SP100: variants seen among roughly 807,000 people sequenced by gnomAD.
SP100 encodes the protein SP100 nuclear body protein, also known as nuclear autoantigen Sp-100.
In SP100, 84 loss-of-function variants were observed where a neutral mutation model predicts 130.0. The observed-to-expected ratio is 0.65, with a 90% CI of 0.54 to 0.77. The LOEUF is 0.77. Ranked by LOEUF, SP100 falls within the 30% of genes least tolerant of loss-of-function variation. The probability of loss-of-function intolerance (pLI) is 0.00; values close to 1 mark genes in which losing one functional copy is unlikely to be tolerated. For synonymous variants in SP100, 331 were observed against 351.7 expected (o/e 0.94, Z 0.66); for missense variants, 978 against 1,052.2 (o/e 0.93, Z 0.97).
intron 17 of SP100, among the ~76,000 whole-genome samples, chr2:230,485,472 A>G (rs1678210): frequency 2.1e-4 from 32 of 152,060 alleles, no homozygotes; most frequent in Non-Finnish European, 4.1e-4. Context: ...TTAAACAAAT[A>G]ATTTGGGTCT....
chr2:230,449,433 G>T, intron 6 of SP100, 128 bp from the exon 7 acceptor site: 1 of 1,046,294 alleles, frequency 9.6e-7, no homozygotes, highest in Non-Finnish European at 1.5e-6. Flanking sequence ...GCCTGCATCT[G>T]CTTGAATCTG....
At chr2:230,428,092 G>A (rs1013595657) in intron 2 of SP100, among the ~76,000 whole-genome samples, 25 of 152,178 alleles carry the variant, frequency 1.6e-4, no homozygotes, top group South Asian at 4.1e-4. Flanking sequence ...TTAGCCAGGC[G>A]TGGTGGCATG....
chr2:230,449,786 A>G (rs2063882123), intron 7 of SP100, 76 bp downstream of exon 7: 3 of 1,469,120 alleles, frequency 2.0e-6, no homozygotes, highest in Admixed American at 1.8e-5. Context: ...AGTCTAATGC[A>G]CAATACAAGG....
chr2:230,503,412 C>T (rs188633188), intron 20 of SP100, among the ~76,000 whole-genome samples: 7 of 152,214 alleles, frequency 4.6e-5, no homozygotes, highest in African/African-American at 1.4e-4. Flanking sequence ...TTGATACTTT[C>T]GTATAATCAA....
At chr2:230,445,093 C>T (rs2063648911) in intron 4 of SP100, among the ~76,000 whole-genome samples, 2 of 152,202 alleles carry the variant, frequency 1.3e-5, no homozygotes, top group Admixed American at 1.3e-4. Flanking sequence ...ATTGACAAAA[C>T]TGATTACTCT....
At chr2:230,468,258 G>A (rs749743861) in intron 13 of SP100, among the ~76,000 whole-genome samples, 1 of 152,162 alleles carries the variant, frequency 6.6e-6, no homozygotes, top group Non-Finnish European at 1.5e-5. Context: ...TTCAAAGCCA[G>A]ATGTACTTCA....
At chr2:230,442,412 CATT>C (rs1053917115) in intron 2 of SP100, among the ~76,000 whole-genome samples, 4 of 152,040 alleles carry the variant, frequency 2.6e-5, no homozygotes, top group East Asian at 1.9e-4. Context: ...AATGTGGTCT[CATT>C]ATTATTATTA....
chr2:230,459,024 A>C (rs1309928005), intron 8 of SP100, among the ~76,000 whole-genome samples: 1 of 152,136 alleles, frequency 6.6e-6, no homozygotes, highest in Non-Finnish European at 1.5e-5. Context: ...GGCATGTGAG[A>C]CTGAGCTTCC....
intron 24 of SP100, among the ~76,000 whole-genome samples, chr2:230,529,050 A>G (rs1691571253): frequency 6.6e-6 from 1 of 152,244 alleles, no homozygotes; most frequent in Admixed American, 6.5e-5. Flanking sequence ...CAGTAGAAAA[A>G]GAGGGAATCC....
rs533526345 is a variant in SP100 at position 230,524,364 on chromosome 2, AAAAAAAAG to A, written c.2094+13204_2094+13211del. On this transcript the variant is annotated intron_variant, in intron 24 of 28. Coordinates refer to ENST00000340126, the MANE Select transcript of SP100 (RefSeq NM_001080391.2). Reference sequence around the variant, plus strand: ...AGAGTGAGATTCCATCTCAAAAAAAAAAAAAAAGAAAAAGAAAAGAAAAGGAAAAAAAA... The same window carrying A: ...AGAGTGAGATTCCATCTCAAAAAAAAAAAAAGAAAAGAAAAGGAAAAAAAA... Among the ~76,000 whole-genome samples, 619 of 150,880 alleles carry A rather than the reference AAAAAAAAG, an allele frequency of 4.1e-3. 2 individuals carry two copies. The highest frequency in any genetic ancestry group is 0.015 in the African/African-American group (603 of 41,198).
chr2:230,432,556 A>G (rs6436937), intron 2 of SP100, among the ~76,000 whole-genome samples: 101,411 of 152,008 alleles, frequency 0.67, 34,896 homozygotes, highest in African/African-American at 0.74. Context: ...TCCAGTGAAT[A>G]TATTTTGGTA....
chr2:230,480,415 C>T (rs182634568), intron 17 of SP100, among the ~76,000 whole-genome samples: 4 of 152,254 alleles, frequency 2.6e-5, no homozygotes, highest in Admixed American at 2.6e-4. Flanking sequence ...ATTAGAAGAT[C>T]AGGGATTTTT....
Position 230,542,821 on chromosome 2 carries a change from T to A in SP100, c.2548-15T>A. ...TTGCATAACTGCTATATTGTTTTTT[T>A]CTTTGCTTTTTTAGGAAGATAAATT... On this transcript the variant is annotated splice_polypyrimidine_tract_variant and intron_variant, in intron 28 of 28. Transcript: ENST00000340126. The A allele has an allele frequency of 6.6e-7, 1 of 1,524,706 alleles. No individual in the cohort carries two copies. The highest frequency in any genetic ancestry group is 9.1e-7 in the Non-Finnish European group (1 of 1,099,048). 94.4% of individuals were successfully genotyped at this position (1,524,706 alleles called of 1,614,324 possible).
intron 23 of SP100, chr2:230,509,651 T>A (rs1453347161): frequency 1.3e-5 from 2 of 152,076 alleles, no homozygotes; most frequent in Admixed American, 6.6e-5. Flanking sequence ...CTATCTTCCC[T>A]CCTCTCCCCT....
chr2:230,527,314 C>G (rs1191955753), intron 24 of SP100, among the ~76,000 whole-genome samples: 4 of 152,154 alleles, frequency 2.6e-5, no homozygotes, highest in Non-Finnish European at 5.9e-5. Context: ...AACCTCATAT[C>G]CAGCCAAACT....
At chr2:230,488,170 T>A (rs1215749803) in intron 17 of SP100, among the ~76,000 whole-genome samples, 1 of 152,136 alleles carries the variant, frequency 6.6e-6, no homozygotes, top group Non-Finnish European at 1.5e-5. Context: ...ATTTGAATAG[T>A]CTTTATTTCT....
At chr2:230,497,995 C>T (rs920672036) in intron 18 of SP100, among the ~76,000 whole-genome samples, 4 of 152,142 alleles carry the variant, frequency 2.6e-5, no homozygotes, top group Non-Finnish European at 5.9e-5. Context: ...CTGCCTACAA[C>T]CAGAGGAAAT....
intron 17 of SP100, among the ~76,000 whole-genome samples, chr2:230,478,338 G>A (rs995573138): frequency 2.0e-5 from 3 of 152,194 alleles, no homozygotes; most frequent in African/African-American, 4.8e-5. Context: ...TAAAACCATC[G>A]ATCAGAATTA....
intron 2 of SP100, among the ~76,000 whole-genome samples, chr2:230,437,553 TTTTGTTTTG>T (rs984418897): frequency 6.6e-6 from 1 of 152,054 alleles, no homozygotes; most frequent in African/African-American, 2.4e-5. Context: ...TCTTTGTTTT[TTTTGTTTTG>T]TTTTGTTTTG....
Sources: allele counts gnomAD v4.1 joint callset (sites outside exome capture counted in the v4.1 genomes callset), GRCh38; gene constraint gnomAD v4.1.1; transcripts MANE v1.5; gene names NCBI Gene and HGNC (gene_info 2026-07-23, HGNC 2026-07-21).